MALRD1: variants seen among roughly 807,000 people sequenced by gnomAD.
MALRD1 encodes MAM and LDL receptor class A domain containing 1.
MALRD1 carries 247 observed loss-of-function variants against 242.1 expected under a neutral mutation model. The observed-to-expected ratio is 1.02, with a 90% CI of 0.92 to 1.13. The LOEUF is 1.13. Ranked by LOEUF, MALRD1 falls within the 50% of genes most tolerant of loss-of-function variation. MALRD1 has a pLI of 0.00. For missense variants in MALRD1, 2,989 were observed against 2,533.1 expected (o/e 1.18, Z -3.86); for synonymous variants, 995 against 866.6 (o/e 1.15, Z -2.60).
intron 1 of MALRD1, among the ~76,000 whole-genome samples, chr10:19,056,249 G>A (rs1391673639): frequency 6.6e-6 from 1 of 151,494 alleles, no homozygotes; most frequent in Non-Finnish European, 1.5e-5. Context: ...ATTTTGATAG[G>A]GATTGCATTA....
intron 2 of MALRD1, among the ~76,000 whole-genome samples, chr10:19,076,412 C>A (rs1006120889): frequency 1.3e-5 from 2 of 151,974 alleles, no homozygotes; most frequent in South Asian, 2.1e-4. Context: ...CATAGACTTA[C>A]ACTTACAGTT....
At chr10:19,678,255 T>C (rs897909162) in intron 36 of MALRD1, among the ~76,000 whole-genome samples, 4 of 152,188 alleles carry the variant, frequency 2.6e-5, no homozygotes, top group African/African-American at 9.7e-5. Flanking sequence ...TAAATTACTT[T>C]GCGCAGTATG....
chr10:19,524,380 G>A (rs1834004303), intron 31 of MALRD1, among the ~76,000 whole-genome samples: 1 of 152,090 alleles, frequency 6.6e-6, no homozygotes, highest in Admixed American at 6.6e-5. Flanking sequence ...GGGAGGCTGA[G>A]GCACGAGAAT....
intron 38 of MALRD1, among the ~76,000 whole-genome samples, chr10:19,724,382 A>G (rs1266903616): frequency 1.3e-5 from 2 of 152,214 alleles, no homozygotes; most frequent in African/African-American, 4.8e-5. Context: ...ATAAAAGTGT[A>G]TTTTAAAAAT....
At chr10:19,078,291 C>A (rs1011997034) in intron 2 of MALRD1, among the ~76,000 whole-genome samples, 2 of 151,824 alleles carry the variant, frequency 1.3e-5, no homozygotes, top group South Asian at 2.1e-4. Flanking sequence ...TTTGTCATAT[C>A]TTTTTTTGCA....
At position 19,075,597 on chromosome 10, in the gene MALRD1, G is replaced by C. The variant is rs762048425; in HGVS notation, c.340+8738G>C. 1.4e-4 allele frequency among the ~76,000 whole-genome samples: 21 copies of C among 152,042 alleles called. 1 individual carries two copies. The highest frequency in any genetic ancestry group is 2.5e-4 in the Non-Finnish European group (17 of 67,978). The stretch of plus-strand genomic sequence containing the variant: ...GCAGGGATCTCAGTCTTAGGGCTGT[G>C]TGGAATTGAATTCTTAGGGATGCAT... On this transcript the variant is annotated intron_variant, in intron 2 of 39. Transcript: ENST00000454679.
chr10:19,155,426 A>T (rs745402189), intron 12 of MALRD1, among the ~76,000 whole-genome samples: 1 of 152,238 alleles, frequency 6.6e-6, no homozygotes, highest in Non-Finnish European at 1.5e-5. Context: ...TCATTTCAAT[A>T]ATCTAAAGCT....
rs1295778942 is a variant in MALRD1 at position 19,592,757 on chromosome 10, A to ACGCGCG, written c.5681-2436_5681-2435insGCGCGC. 3.8e-4 allele frequency among the ~76,000 whole-genome samples: 45 copies of ACGCGCG among 119,956 alleles called. 1 individual carries two copies. The highest frequency in any genetic ancestry group is 1.3e-3 in the African/African-American group (44 of 33,252). 78.7% of individuals were successfully genotyped at this position (119,956 alleles called of 152,430 possible). ...CACACACACACACACACACACACAC[A>ACGCGCG]CACACGCACGCACACACACACACAC... is the stretch of plus-strand genomic sequence containing the variant. On this transcript the variant is annotated intron_variant, in intron 33 of 39. Coordinates refer to ENST00000454679, the MANE Select transcript of MALRD1 (RefSeq NM_001142308.3).
chr10:19,392,197 T>A (rs1051355668), intron 28 of MALRD1, among the ~76,000 whole-genome samples: 2 of 152,146 alleles, frequency 1.3e-5, no homozygotes, highest in African/African-American at 4.8e-5. Context: ...AACACACCCC[T>A]CTGAGTTAAA....
At chr10:19,362,570 C>T (rs1224932521) in intron 26 of MALRD1, among the ~76,000 whole-genome samples, 1 of 151,976 alleles carries the variant, frequency 6.6e-6, no homozygotes, top group African/African-American at 2.4e-5. Context: ...ACAGGGCATG[C>T]CTGACAAAGA....
chr10:19,531,242 G>C lies in MALRD1; in HGVS notation c.5369G>C (p.Gly1790Ala). The C allele has an allele frequency of 6.4e-7, 1 of 1,550,434 alleles. No individual in the cohort carries two copies. Among genetic ancestry groups the C allele is most frequent in the Non-Finnish European group, 8.7e-7 (1 of 1,146,878 alleles). Reference sequence around the variant, plus strand: ...GTCAACTCATCTGGCTCCAAGGAAGGATCCGTTGCCAGAATTACTACTTCC... The same window carrying C: ...GTCAACTCATCTGGCTCCAAGGAAGCATCCGTTGCCAGAATTACTACTTCC... Reference protein sequence around the residue: ...LYVNSSGSKEGSVARITTSKS... With the variant: ...LYVNSSGSKEASVARITTSKS... Residue 1790 changes from glycine (G) to alanine (A), a missense_variant, in exon 32 of 40, where the codon GGA (glycine) becomes GCA (alanine). Physicochemically the swap from Gly to Ala is moderately conservative, Grantham distance 60. Coordinates refer to ENST00000454679, the MANE Select transcript of MALRD1 (RefSeq NM_001142308.3).
chr10:19,453,032 C>T (rs1403398332), intron 29 of MALRD1, among the ~76,000 whole-genome samples: 1 of 152,054 alleles, frequency 6.6e-6, no homozygotes, highest in Non-Finnish European at 1.5e-5. Flanking sequence ...TTTGAACAGT[C>T]TTGGCACATA....
intron 28 of MALRD1, among the ~76,000 whole-genome samples, chr10:19,448,587 G>T (rs1835134900): frequency 6.6e-6 from 1 of 152,018 alleles, no homozygotes; most frequent in African/African-American, 2.4e-5. Flanking sequence ...TAATGAAGTT[G>T]TCATTTTTAT....
intron 36 of MALRD1, among the ~76,000 whole-genome samples, chr10:19,624,507 A>T (rs1839555240): frequency 6.6e-6 from 1 of 152,158 alleles, no homozygotes; most frequent in Non-Finnish European, 1.5e-5. Context: ...TGTGTTTGAC[A>T]TGCCTATGGT....
At chr10:19,052,036 T>A (rs1834523088) in intron 1 of MALRD1, 2 of 357,942 alleles carry the variant, frequency 5.6e-6, no homozygotes, top group Non-Finnish European at 1.1e-5. Context: ...GTAAGAAAAA[T>A]TAATATGAAT....
chr10:19,203,798 G>T lies in MALRD1; in HGVS notation c.2022G>T (p.Trp674Cys). The T allele has an allele frequency of 1.3e-6, 2 of 1,550,546 alleles. No homozygotes were observed. Among genetic ancestry groups the T allele is most frequent in the Non-Finnish European group, 1.7e-6 (2 of 1,146,952 alleles). The change falls in exon 15 of 40, where the codon TGG becomes TGT. Residue 674 changes from tryptophan to cysteine, a missense_variant. Trp to Cys is a radical substitution (Grantham distance 215). Coordinates refer to ENST00000454679, the MANE Select transcript of MALRD1 (RefSeq NM_001142308.3). ...CAATTAGTGGTGACCATTTTGACTGGATACGGAGCTCTCAGAGTGAACTTT... is the reference window on the plus strand; with the variant it reads ...CAATTAGTGGTGACCATTTTGACTGTATACGGAGCTCTCAGAGTGAACTTT... The part of the protein sequence containing the change: ...FEAISGDHFD[W>C]IRSSQSELSA...
intron 21 of MALRD1, among the ~76,000 whole-genome samples, chr10:19,309,432 T>C (rs915405214): frequency 6.6e-6 from 1 of 151,532 alleles, no homozygotes; most frequent in Admixed American, 6.6e-5. Flanking sequence ...CTGAAATTTA[T>C]TATATATAGG....
chr10:19,641,683 A>G (rs11010881), intron 36 of MALRD1, among the ~76,000 whole-genome samples: 1 of 152,256 alleles, frequency 6.6e-6, no homozygotes, highest in African/African-American at 2.4e-5. Flanking sequence ...CATTGTGGCT[A>G]TGTTTCTCAA....
At chr10:19,309,956 G>C (rs1842359768) in intron 21 of MALRD1, among the ~76,000 whole-genome samples, 1 of 151,436 alleles carries the variant, frequency 6.6e-6, no homozygotes, top group South Asian at 2.1e-4. Flanking sequence ...AGACCAGATT[G>C]CCCCATCCAA....
Sources: gnomAD v4.1 joint callset for allele counts (sites outside exome capture counted in the v4.1 genomes callset) on GRCh38, gnomAD v4.1.1 for gene constraint, MANE v1.5 for transcripts, NCBI Gene and HGNC (gene_info 2026-07-23, HGNC 2026-07-21) for gene names.